KAZN: variants seen among roughly 807,000 people sequenced by gnomAD.
KAZN encodes kazrin.
A neutral mutation model predicts 87.4 loss-of-function variants in KAZN; 40 were observed. That is an observed-to-expected ratio of 0.46 (90% CI 0.36 to 0.60). The LOEUF is 0.60. Ranked by LOEUF, KAZN falls within the 20% of genes least tolerant of loss-of-function variation. The probability of loss-of-function intolerance (pLI) is 0.00; values close to 1 mark genes in which losing one functional copy is unlikely to be tolerated. For synonymous variants in KAZN, 466 were observed against 458.3 expected (o/e 1.02, Z -0.22); for missense variants, 898 against 1,073.9 (o/e 0.84, Z 2.29).
intron 1 of KAZN, among the ~76,000 whole-genome samples, chr1:14,700,958 G>A (rs567378310): frequency 6.6e-6 from 1 of 152,304 alleles, no homozygotes; most frequent in South Asian, 2.1e-4. Flanking sequence ...ACACAATTCA[G>A]AGGAGCAATG....
At chr1:14,015,459 C>CTTTTTTTTT (rs70987713) in intron 1 of KAZN, among the ~76,000 whole-genome samples, 1 of 25,066 alleles carries the variant, frequency 4.0e-5, no homozygotes, top group African/African-American at 1.1e-4. Flanking sequence ...GTTACATCTA[C>CTTTTTTTTT]TTTTTTTTTT....
intron 2 of KAZN, among the ~76,000 whole-genome samples, chr1:14,408,892 G>A (rs1242455959): frequency 6.6e-6 from 1 of 152,098 alleles, no homozygotes; most frequent in African/African-American, 2.4e-5. Flanking sequence ...AGAAGAGGAT[G>A]GGGTAGAGAA....
At chr1:14,220,855 G>A (rs1647080613) in intron 2 of KAZN, among the ~76,000 whole-genome samples, 1 of 152,068 alleles carries the variant, frequency 6.6e-6, no homozygotes, top group Admixed American at 6.5e-5. Flanking sequence ...CTGAGGAAAT[G>A]GCCTTAATTT....
chr1:14,021,539 T>G (rs114000281), intron 1 of KAZN, among the ~76,000 whole-genome samples: 2,722 of 152,274 alleles, frequency 0.018, 81 homozygotes, highest in African/African-American at 0.061. Context: ...ATGCCAGGGT[T>G]GTGGAAGGAG....
chr1:14,675,083 G>C (rs1174948771), intron 1 of KAZN, among the ~76,000 whole-genome samples: 3 of 152,210 alleles, frequency 2.0e-5, no homozygotes, highest in African/African-American at 4.8e-5. Context: ...CAGTCTCGTG[G>C]TGTTAGTTAT....
At chr1:14,781,083 G>A (rs1451021070) in intron 1 of KAZN, among the ~76,000 whole-genome samples, 2 of 152,198 alleles carry the variant, frequency 1.3e-5, no homozygotes, top group African/African-American at 2.4e-5. Context: ...AGCACTTTGG[G>A]AGGCCGAGGC....
Position 14,283,943 on chromosome 1 carries a change from T to G in KAZN, c.249+103351T>G, listed in dbSNP as rs1439139754. Among the ~76,000 whole-genome samples, 4 of 152,180 alleles carry G rather than the reference T, an allele frequency of 2.6e-5. No individual in the cohort carries two copies. In the South Asian group the frequency reaches 8.3e-4, roughly 32 times the overall value. On this transcript the variant is annotated intron_variant, in intron 2 of 16. Transcript: ENST00000636203. ...GACCATAAAAAGGAATGAGTACTGA[T>G]ACACCCTACAATGTGGATGAGCCTC...
intron 2 of KAZN, among the ~76,000 whole-genome samples, chr1:14,244,837 G>C (rs751569578): frequency 6.6e-6 from 1 of 152,192 alleles, no homozygotes; most frequent in African/African-American, 2.4e-5. Flanking sequence ...TGTGCAGATT[G>C]TGTAGGGCCT....
At chr1:14,039,169 CAAAAAA>C (rs5772558) in intron 1 of KAZN, among the ~76,000 whole-genome samples, 1 of 122,532 alleles carries the variant, frequency 8.2e-6, no homozygotes. Flanking sequence ...GACTCTGTCT[CAAAAAA>C]AAAAAAAAAA....
chr1:14,131,104 G>C (rs1214112766), intron 1 of KAZN, among the ~76,000 whole-genome samples: 1 of 152,134 alleles, frequency 6.6e-6, no homozygotes, highest in Non-Finnish European at 1.5e-5. Context: ...CATATGGCCA[G>C]CAGGAGAGGG....
intron 2 of KAZN, among the ~76,000 whole-genome samples, chr1:14,569,580 C>G (rs1674739644): frequency 6.6e-6 from 1 of 151,594 alleles, no homozygotes; most frequent in South Asian, 2.1e-4. Context: ...CCTCGGCCTC[C>G]CAAAGTGCTA....
At chr1:14,098,578 TG>T (rs2101637650) in intron 1 of KAZN, among the ~76,000 whole-genome samples, 1 of 152,306 alleles carries the variant, frequency 6.6e-6, no homozygotes, top group African/African-American at 2.4e-5. Context: ...TTTCTGCCTC[TG>T]GCTCCCCTTC....
At chr1:14,235,454 G>C (rs972384877) in intron 2 of KAZN, among the ~76,000 whole-genome samples, 1 of 152,144 alleles carries the variant, frequency 6.6e-6, no homozygotes, top group African/African-American at 2.4e-5. Context: ...GTCAGCGGAG[G>C]GGGGATGTAG....
intron 2 of KAZN, among the ~76,000 whole-genome samples, chr1:14,197,885 A>G (rs189154426): frequency 6.6e-5 from 10 of 152,324 alleles, no homozygotes; most frequent in African/African-American, 2.4e-4. Context: ...AGCCAGGAGA[A>G]GCAGGAGAAA....
intron 1 of KAZN, among the ~76,000 whole-genome samples, chr1:14,627,299 CCTG>C (rs1679215333): frequency 6.6e-6 from 1 of 152,012 alleles, no homozygotes; most frequent in African/African-American, 2.4e-5. Context: ...GAGGCTGCAG[CCTG>C]CTTAGTGTGC....
At chr1:14,631,224 G>A (rs1175056084) in intron 1 of KAZN, among the ~76,000 whole-genome samples, 2 of 152,172 alleles carry the variant, frequency 1.3e-5, no homozygotes, top group Non-Finnish European at 2.9e-5. Context: ...GGATCTAAGA[G>A]ATTAAAAGGG....
At chr1:14,301,801 G>A (rs1004067477) in intron 2 of KAZN, among the ~76,000 whole-genome samples, 34 of 152,100 alleles carry the variant, frequency 2.2e-4, no homozygotes, top group Non-Finnish European at 4.6e-4. Context: ...TTCCCTACTG[G>A]CCCATTCTCA....
At chr1:14,235,786 T>C (rs1274618117) in intron 2 of KAZN, among the ~76,000 whole-genome samples, 2 of 152,166 alleles carry the variant, frequency 1.3e-5, no homozygotes, top group Non-Finnish European at 2.9e-5. Context: ...TTTAAATAAT[T>C]GTTGATGCGA....
intron 1 of KAZN, among the ~76,000 whole-genome samples, chr1:14,728,125 A>C (rs1254251553): frequency 6.6e-6 from 1 of 151,636 alleles, no homozygotes; most frequent in Admixed American, 6.6e-5. Flanking sequence ...GTCTCTACTA[A>C]AAATACAAAA....
Sources: allele counts gnomAD v4.1 joint callset (sites outside exome capture counted in the v4.1 genomes callset), GRCh38; gene constraint gnomAD v4.1.1; transcripts MANE v1.5; gene names NCBI Gene and HGNC (gene_info 2026-07-23, HGNC 2026-07-21).